Variants in RELN observed in about 807,000 individuals in gnomAD.
RELN encodes reelin.
RELN carries 108 observed loss-of-function variants against 427.6 expected under a neutral mutation model. That is an observed-to-expected ratio of 0.25 (90% CI 0.22 to 0.30). The LOEUF (loss-of-function observed/expected upper bound fraction) is 0.30. Ranked by LOEUF, RELN falls within the 10% of genes least tolerant of loss-of-function variation. The pLI, the probability that RELN is intolerant of heterozygous loss-of-function variation, is 1.00. For synonymous variants in RELN, 1,524 were observed against 1,513.4 expected, an observed-to-expected ratio of 1.01 and a Z score of -0.16; for missense variants, 3,715 against 4,302.8, an observed-to-expected ratio of 0.86 and a Z score of 3.82.
intron 2 of RELN, among the ~76,000 whole-genome samples, chr7:103,859,812 T>A (rs974888524): frequency 6.6e-6 from 1 of 152,058 alleles, no homozygotes; most frequent in Admixed American, 6.6e-5. Context: ...AAAATGTGAG[T>A]AAGTGGAGCA....
At chr7:103,486,085 T>C (rs980280679) in intron 61 of RELN, 112 bp downstream of exon 61, 1 of 980,440 alleles carries the variant, frequency 1.0e-6, no homozygotes, top group Non-Finnish European at 1.6e-6. Context: ...AGGTTTTCAC[T>C]GCTTAGTGAC....
At chr7:103,794,214 C>T (rs1003803127) in intron 3 of RELN, among the ~76,000 whole-genome samples, 7 of 152,030 alleles carry the variant, frequency 4.6e-5, no homozygotes, top group Non-Finnish European at 7.4e-5. Context: ...CACTCTTGAC[C>T]GCTTAATTTA....
intron 2 of RELN, among the ~76,000 whole-genome samples, chr7:103,856,102 AGAAGGGCTATTCCTTAT>A (rs1793937758): frequency 6.6e-6 from 1 of 152,182 alleles, no homozygotes; most frequent in East Asian, 1.9e-4. Flanking sequence ...AGAGTTGGGT[AGAAGGGCTATTCCTTAT>A]GAAGATGCTA....
rs189804080 is a variant in RELN, at chr7:103,673,824, G to T, written c.1289+8292C>A. On this transcript the variant is annotated intron_variant, in intron 11 of 64. Coordinates refer to ENST00000428762, the MANE Select transcript of RELN (RefSeq NM_005045.4). Reference sequence around the variant, plus strand: ...GAGGGTTTAGAATTTTCTTTTATTGGTGTTCTAAAATTTCTCCCTGATTAT... The same window carrying T: ...GAGGGTTTAGAATTTTCTTTTATTGTTGTTCTAAAATTTCTCCCTGATTAT... 5.9e-5 allele frequency among the ~76,000 whole-genome samples: 9 copies of T among 152,088 alleles called. No homozygotes were observed. In the East Asian group the frequency reaches 1.8e-3, roughly 30 times the overall value.
At position 103,961,450 on chromosome 7, in the gene RELN, G is replaced by A. The variant is rs552466458; in HGVS notation, c.226+27681C>T. 3.9e-5 allele frequency among the ~76,000 whole-genome samples: 6 copies of A among 152,158 alleles called. No homozygotes were observed. The South Asian group carries it at 8.3e-4, about 21-fold the overall frequency. On this transcript the variant is annotated intron_variant, in intron 1 of 64. Coordinates refer to ENST00000428762, the MANE Select transcript of RELN (RefSeq NM_005045.4). ...TTCAGCAACTAATAAACAAGAAAAC[G>A]GGCAAGACAATACTAAAAAAGAAGT...
chr7:103,790,859 G>T (rs1792145596), intron 3 of RELN, among the ~76,000 whole-genome samples: 1 of 152,088 alleles, frequency 6.6e-6, no homozygotes, highest in Admixed American at 6.5e-5. Flanking sequence ...ATACTCGGGA[G>T]GCTGAGGCAG....
At chr7:103,524,372 C>G (rs138695012) in intron 46 of RELN, among the ~76,000 whole-genome samples, 93 of 150,078 alleles carry the variant, frequency 6.2e-4, no homozygotes, top group African/African-American at 2.3e-3. Context: ...TGAGACCAGA[C>G]TTATTTTACA....
chr7:103,723,165 T>C lies in RELN; in HGVS notation c.780A>G (p.Thr260=), dbSNP rs1420888480. ...ELITTGLNTT[T]ASVLQFSIGS... Reference sequence around the variant, plus strand: ...CAATGGAAAATTGGAGGACAGAAGCTGTTGTTGTATTAAGGCCTGTGGTAA... The same window carrying C: ...CAATGGAAAATTGGAGGACAGAAGCCGTTGTTGTATTAAGGCCTGTGGTAA... The change falls in exon 8 of 65, where the codon ACA becomes ACG. Residue 260 remains threonine, a synonymous_variant. Transcript: ENST00000428762. The C allele has an allele frequency of 1.9e-6, 3 of 1,596,626 alleles. No individual in the cohort carries two copies. The highest frequency in any genetic ancestry group is 2.6e-6 in the Non-Finnish European group (3 of 1,164,590).
At chr7:103,777,686 C>T (rs1246643255) in intron 3 of RELN, among the ~76,000 whole-genome samples, 2 of 152,118 alleles carry the variant, frequency 1.3e-5, no homozygotes, top group African/African-American at 4.8e-5. Context: ...TGCTCTGGCC[C>T]ACGTGTGGAT....
At chr7:103,717,166 T>A (rs1789958743) in intron 8 of RELN, among the ~76,000 whole-genome samples, 3 of 151,940 alleles carry the variant, frequency 2.0e-5, no homozygotes, top group Admixed American at 2.0e-4. Flanking sequence ...TTATAATCAA[T>A]CTCAACAATC....
intron 6 of RELN, among the ~76,000 whole-genome samples, chr7:103,744,512 C>T (rs1790762094): frequency 6.6e-6 from 1 of 151,938 alleles, no homozygotes; most frequent in Non-Finnish European, 1.5e-5. Context: ...ACTGATAGAC[C>T]ACTAGCAAGA....
At position 103,833,544 on chromosome 7, in the gene RELN, T is replaced by G. The variant is rs1192326551; in HGVS notation, c.466A>C (p.Asn156His). Residue 156 changes from asparagine (N) to histidine (H), a missense_variant, in exon 3 of 65, where the codon AAT becomes CAT. Physicochemically the swap from Asn to His is moderately conservative, Grantham distance 68 (BLOSUM62 1). This residue lies in a region of RELN where 2,208 missense variants were observed against 2,361.7 expected (regional missense o/e 0.93). Coordinates refer to ENST00000428762, the MANE Select transcript of RELN (RefSeq NM_005045.4). The part of the protein sequence containing the change: ...IAPPAGTGCV[N>H]FMATATHRGQ... Reference sequence around the variant, plus strand: ...GACACTTTGGGTACTTACATGAAATTCACACAGCCTGTGCCCGCAGGTGGA... The same window carrying G: ...GACACTTTGGGTACTTACATGAAATGCACACAGCCTGTGCCCGCAGGTGGA... 1 of 1,614,048 alleles carries G rather than the reference T, an allele frequency of 6.2e-7. No homozygotes were observed. The highest frequency in any genetic ancestry group is 1.1e-5 in the South Asian group (1 of 91,086).
In RELN at chr7:103,989,596, GCGT is replaced by G; in HGVS notation, c.-243_-241del. On this transcript the variant is annotated 5_prime_UTR_variant, in exon 1 of 65. Coordinates refer to ENST00000428762, the MANE Select transcript of RELN (RefSeq NM_005045.4). This position sits in a 1 kb window ranked among gnomAD's most constrained non-coding sequence, Gnocchi z 4.9. ...GACCGGGGCTGCGGGCGCCGAGAGC[GCGT>G]CGTCTGCCGCCTCCGTGCGCCGCCG... The G allele has an allele frequency of 2.6e-6, 1 of 379,344 alleles. No individual in the cohort carries two copies. Among genetic ancestry groups the G allele is most frequent in the Non-Finnish European group, 4.5e-6 (1 of 220,516 alleles). The allele number at this position is 379,344 out of a possible 1,614,324, so 23.5% of individuals were successfully genotyped here.
chr7:103,527,351 C>T (rs1299224500), intron 46 of RELN, among the ~76,000 whole-genome samples: 1 of 152,208 alleles, frequency 6.6e-6, no homozygotes, highest in African/African-American at 2.4e-5. Context: ...CTAACAATGC[C>T]ATTCTACCGA....
chr7:103,808,904 T>C (rs1422171459), intron 3 of RELN, among the ~76,000 whole-genome samples: 1 of 152,102 alleles, frequency 6.6e-6, no homozygotes, highest in African/African-American at 2.4e-5. Context: ...AGCAATAAAA[T>C]TTCCTGGTCC....
chr7:103,594,876 T>C (rs1244923276), intron 25 of RELN, among the ~76,000 whole-genome samples: 2 of 152,210 alleles, frequency 1.3e-5, no homozygotes, highest in East Asian at 3.8e-4. Context: ...TTCTTTCTCA[T>C]TGTGGGAAAA....
chr7:103,516,612 A>G (rs913548740), intron 49 of RELN, among the ~76,000 whole-genome samples: 15 of 149,336 alleles, frequency 1.0e-4, no homozygotes, highest in Admixed American at 8.0e-4. Flanking sequence ...TTTTTAATCT[A>G]TGCTAATCTA....
chr7:103,806,508 A>G (rs1369485192), intron 3 of RELN, among the ~76,000 whole-genome samples: 1 of 152,044 alleles, frequency 6.6e-6, no homozygotes, highest in Non-Finnish European at 1.5e-5. Context: ...TATTTTTAGT[A>G]GAGAAAGGGT....
rs1795583995 is a variant in RELN at position 103,920,299 on chromosome 7, AT to A, written c.227-3115del. ...ATTTGGGTATATTAGGATGGGGATA[AT>A]TGGACAAATTTTTTATATTCGAACT... On this transcript the variant is annotated intron_variant, in intron 1 of 64. Transcript: ENST00000428762. 4.6e-5 allele frequency among the ~76,000 whole-genome samples: 7 copies of A among 152,292 alleles called. No homozygotes were observed. In the South Asian group the frequency reaches 1.4e-3, roughly 32 times the overall value.
Sources: allele counts gnomAD v4.1 joint callset (sites outside exome capture counted in the v4.1 genomes callset), GRCh38; gene constraint gnomAD v4.1.1; regional missense constraint gnomAD v4.1.1; non-coding constraint Gnocchi (gnomAD v3.1); transcripts MANE v1.5; gene names NCBI Gene and HGNC (gene_info 2026-07-23, HGNC 2026-07-21).